RBFOX1: variants seen among roughly 807,000 people sequenced by gnomAD.
The protein encoded by RBFOX1 is RNA binding protein fox-1 homolog 1.
RBFOX1 carries 8 observed loss-of-function variants against 57.7 expected under a neutral mutation model. The observed-to-expected ratio is 0.14, with a 90% confidence interval of 0.08 to 0.25. RBFOX1 has a LOEUF of 0.25. Among genes scored for constraint, RBFOX1 ranks in the 10% least tolerant of loss-of-function variants. The pLI is 1.00. For missense variants in RBFOX1, 611 were observed against 548.5 expected (o/e 1.11, Z -1.14); for synonymous variants, 326 against 222.4 (o/e 1.47, Z -4.15).
At chr16:7,056,610 C>A (rs984366459) in intron 4 of RBFOX1, among the ~76,000 whole-genome samples, 1 of 152,092 alleles carries the variant, frequency 6.6e-6, no homozygotes, top group Non-Finnish European at 1.5e-5. Context: ...CTGTTGTTTC[C>A]CTGAACTATC....
At chr16:7,310,832 C>T (rs908968780) in intron 4 of RBFOX1, among the ~76,000 whole-genome samples, 1 of 152,180 alleles carries the variant, frequency 6.6e-6, no homozygotes, top group Non-Finnish European at 1.5e-5. Flanking sequence ...TATGGAACTC[C>T]AGCTGCCCTT....
chr16:5,616,749 C>A (rs572395770), intron 3 of RBFOX1, among the ~76,000 whole-genome samples: 56 of 147,848 alleles, frequency 3.8e-4, no homozygotes, highest in Non-Finnish European at 7.2e-4. Flanking sequence ...TGTCCCTTCT[C>A]CCTCTCCTGT....
chr16:6,930,162 G>A (rs886788781), intron 3 of RBFOX1, among the ~76,000 whole-genome samples: 1 of 152,202 alleles, frequency 6.6e-6, no homozygotes, highest in Admixed American at 6.5e-5. Context: ...AGAGAAGAGA[G>A]ATATTATCCC....
Position 6,875,035 on chromosome 16 carries a change from T to A in RBFOX1, c.-15-177022T>A, listed in dbSNP as rs959764921. 7.2e-5 allele frequency among the ~76,000 whole-genome samples: 11 copies of A among 152,206 alleles called. No individual in the cohort carries two copies. In the East Asian group the frequency reaches 2.1e-3, roughly 29 times the overall value. ...GCAGAAAATGGGGAGAAGTTGTGAGTGGGAGCAAGTGTGGTCAAGAACAGG... is the reference window on the plus strand; with the variant it reads ...GCAGAAAATGGGGAGAAGTTGTGAGAGGGAGCAAGTGTGGTCAAGAACAGG... On this transcript the variant is annotated intron_variant, in intron 3 of 15. Transcript: ENST00000550418.
chr16:6,280,538 G>C (rs568461225), intron 1 of RBFOX1, among the ~76,000 whole-genome samples: 2 of 152,032 alleles, frequency 1.3e-5, no homozygotes, highest in African/African-American at 4.8e-5. Context: ...TGCATCATGC[G>C]TCCACACAGC....
At chr16:7,374,928 C>T (rs1211287498) in intron 4 of RBFOX1, among the ~76,000 whole-genome samples, 1 of 152,166 alleles carries the variant, frequency 6.6e-6, no homozygotes, top group African/African-American at 2.4e-5. Context: ...AAGACCTCTG[C>T]ACTTACAAAT....
intron 3 of RBFOX1, among the ~76,000 whole-genome samples, chr16:5,612,243 A>G (rs985401886): frequency 7.0e-6 from 1 of 143,226 alleles, no homozygotes; most frequent in African/African-American, 2.6e-5. Context: ...CTACTCTCCC[A>G]TCAGTTCTCC....
At chr16:7,688,260 T>TGAGAGAGAGAGAGA (rs141940868) in intron 14 of RBFOX1, among the ~76,000 whole-genome samples, 4 of 125,390 alleles carry the variant, frequency 3.2e-5, no homozygotes, top group African/African-American at 1.2e-4. Context: ...TGTGTGTGTG[T>TGAGAGAGAGAGAGA]GAGAGAGAGA....
chr16:5,438,272 C>T (rs1221320008), intron 1 of RBFOX1, among the ~76,000 whole-genome samples: 6 of 152,170 alleles, frequency 3.9e-5, no homozygotes, highest in Non-Finnish European at 7.3e-5. Flanking sequence ...TAAGTTACCT[C>T]CAGGGTTGTG....
intron 4 of RBFOX1, among the ~76,000 whole-genome samples, chr16:7,076,267 C>T (rs550336467): frequency 3.1e-4 from 47 of 152,034 alleles, no homozygotes; most frequent in African/African-American, 1.1e-3. Context: ...CTCCTGACCT[C>T]ATGATCTACC....
At chr16:6,582,283 A>G (rs1205102112) in intron 2 of RBFOX1, among the ~76,000 whole-genome samples, 1 of 152,216 alleles carries the variant, frequency 6.6e-6, no homozygotes, top group Non-Finnish European at 1.5e-5. Context: ...CTCAGTAATC[A>G]TCGCATAAAC....
intron 4 of RBFOX1, among the ~76,000 whole-genome samples, chr16:5,921,137 A>G (rs1002801329): frequency 3.3e-5 from 5 of 152,310 alleles, no homozygotes; most frequent in African/African-American, 1.2e-4. Context: ...GTATCATGCT[A>G]GGCACCCCAG....
intron 3 of RBFOX1, among the ~76,000 whole-genome samples, chr16:5,622,353 C>G (rs1315296560): frequency 6.6e-6 from 1 of 152,212 alleles, no homozygotes; most frequent in South Asian, 2.1e-4. Context: ...TAGTGTCTGT[C>G]TTTTCCACCA....
chr16:7,607,314 G>C lies in RBFOX1; in HGVS notation c.652G>C (p.Val218Leu). The C allele has an allele frequency of 6.2e-7, 1 of 1,611,168 alleles. No individual in the cohort carries two copies. The highest frequency in any genetic ancestry group is 1.3e-5 in the African/African-American group (1 of 74,936). Residue 218 changes from valine (V) to leucine (L), a missense_variant, in exon 10 of 16, where the codon GTC becomes CTC. Around this residue, in one of 3 missense-constraint regions of RBFOX1, gnomAD observed 99 missense variants for 160.3 expected, o/e 0.62. Coordinates refer to ENST00000550418, the MANE Select transcript of RBFOX1 (RefSeq NM_018723.4). Reference protein sequence around the residue: ...GWKLNPVVGAVYSPEFYAGTV... With the variant: ...GWKLNPVVGALYSPEFYAGTV... Reference sequence around the variant, plus strand: ...GAAATTGAATCCAGTTGTGGGTGCAGTCTACAGTCCCGAATTCTATGCAGG... The same window carrying C: ...GAAATTGAATCCAGTTGTGGGTGCACTCTACAGTCCCGAATTCTATGCAGG...
intron 3 of RBFOX1, among the ~76,000 whole-genome samples, chr16:5,744,452 A>AC (rs970542506): frequency 5.1e-4 from 77 of 152,094 alleles, no homozygotes; most frequent in African/African-American, 1.6e-3. Context: ...ATAGAAGGGC[A>AC]CCCCCCATCG....
intron 3 of RBFOX1, among the ~76,000 whole-genome samples, chr16:5,775,650 G>C (rs150681456): frequency 6.6e-6 from 1 of 152,170 alleles, no homozygotes; most frequent in Non-Finnish European, 1.5e-5. Flanking sequence ...CATGGCCTCA[G>C]TGCCACTTCA....
intron 4 of RBFOX1, among the ~76,000 whole-genome samples, chr16:7,367,878 G>C (rs1033503392): frequency 1.8e-5 from 2 of 112,864 alleles, no homozygotes; most frequent in African/African-American, 7.2e-5. Context: ...GTGCACACAT[G>C]CGTGCATACA....
intron 4 of RBFOX1, among the ~76,000 whole-genome samples, chr16:7,055,711 C>T (rs1374806505): frequency 2.0e-5 from 3 of 152,292 alleles, no homozygotes; most frequent in East Asian, 3.9e-4. Flanking sequence ...TCATTTGCAG[C>T]ATCAGGCACA....
chr16:7,691,920 A>G (rs748516933), intron 14 of RBFOX1, among the ~76,000 whole-genome samples: 2 of 152,164 alleles, frequency 1.3e-5, no homozygotes, highest in Non-Finnish European at 2.9e-5. Flanking sequence ...TTCTGTAAAT[A>G]GAGGTTATTC....
Sources: gnomAD v4.1 joint callset for allele counts (sites outside exome capture counted in the v4.1 genomes callset) on GRCh38, gnomAD v4.1.1 for gene constraint, gnomAD v4.1.1 regional missense constraint, MANE v1.5 for transcripts, NCBI Gene and HGNC (gene_info 2026-07-23, HGNC 2026-07-21) for gene names.